LRRC28: variants seen among roughly 807,000 people sequenced by gnomAD.
LRRC28 encodes the protein leucine-rich repeat-containing protein 28.
In LRRC28, 39 loss-of-function variants were observed where a neutral mutation model predicts 45.7. The ratio of observed to expected loss-of-function variants is 0.85; its 90% CI spans 0.66 to 1.12. The LOEUF (loss-of-function observed/expected upper bound fraction) is 1.12, where lower values mean the gene tolerates loss of function less well. Ranked by LOEUF, LRRC28 falls within the 50% of genes most tolerant of loss-of-function variation. The pLI is 0.00. For synonymous variants in LRRC28, 206 were observed against 178.8 expected (o/e 1.15, Z -1.22); for missense variants, 435 against 438.5 (o/e 0.99, Z 0.07).
chr15:99,344,065 T>A (rs1460330885), intron 6 of LRRC28, among the ~76,000 whole-genome samples: 1 of 152,222 alleles, frequency 6.6e-6, no homozygotes, highest in East Asian at 1.9e-4. Flanking sequence ...TGCCTGGTTC[T>A]CTTCATCATC....
chr15:99,259,374 G>C (rs534840193), intron 2 of LRRC28: 2 of 1,555,050 alleles, frequency 1.3e-6, no homozygotes, highest in Admixed American at 3.3e-5. Flanking sequence ...GATGGGAAGA[G>C]GTTCCAGAAT....
At chr15:99,340,741 G>A (rs1333918979) in intron 6 of LRRC28, among the ~76,000 whole-genome samples, 2 of 152,190 alleles carry the variant, frequency 1.3e-5, no homozygotes, top group East Asian at 1.9e-4. Context: ...TAGAAGGTAT[G>A]AAAGGTGTGA....
chr15:99,377,359 T>A (rs186721594), intron 9 of LRRC28, among the ~76,000 whole-genome samples: 206 of 152,352 alleles, frequency 1.4e-3, no homozygotes, highest in African/African-American at 4.0e-3. Context: ...GAGAAGTGTC[T>A]GTTCATATCC....
intron 9 of LRRC28, among the ~76,000 whole-genome samples, chr15:99,370,330 C>T (rs541005081): frequency 3.9e-5 from 6 of 152,288 alleles, no homozygotes; most frequent in African/African-American, 1.2e-4. Flanking sequence ...TAAATATTCT[C>T]TAACATTATG....
Position 99,387,721 on chromosome 15 carries a change from A to G in LRRC28, c.*1619A>G, listed in dbSNP as rs928333252. 1 of 152,188 alleles carries G rather than the reference A, an allele frequency of 6.6e-6. No individual in the cohort carries two copies. The highest frequency in any genetic ancestry group is 2.4e-5 in the African/African-American group (1 of 41,452). 9.4% of individuals were successfully genotyped at this position (152,188 alleles called of 1,614,324 possible). ...TGTTTTTTAATGATGTAAGTTTTCT[A>G]AAAGGCAGGGCTGAATGGAGAACCA... is the stretch of plus-strand genomic sequence containing the variant. On this transcript the variant is annotated 3_prime_UTR_variant, in exon 10 of 10. Transcript: ENST00000301981.
intron 7 of LRRC28, among the ~76,000 whole-genome samples, chr15:99,353,405 A>G (rs1956948850): frequency 6.6e-6 from 1 of 152,202 alleles, no homozygotes; most frequent in Admixed American, 6.5e-5. Flanking sequence ...GGGCAGTCCT[A>G]GGAGTAGTGG....
intron 9 of LRRC28, among the ~76,000 whole-genome samples, chr15:99,371,218 T>A: frequency 6.6e-6 from 1 of 152,224 alleles, no homozygotes; most frequent in Non-Finnish European, 1.5e-5. Flanking sequence ...TCCAGTTGGT[T>A]AGCAAACACA....
At chr15:99,378,185 T>G (rs922861808) in intron 9 of LRRC28, among the ~76,000 whole-genome samples, 2 of 152,252 alleles carry the variant, frequency 1.3e-5, no homozygotes, top group Non-Finnish European at 2.9e-5. Flanking sequence ...GCATGGAATA[T>G]TCTTCCATTT....
intron 5 of LRRC28, among the ~76,000 whole-genome samples, chr15:99,311,573 A>G (rs1955411465): frequency 1.3e-5 from 2 of 152,166 alleles, no homozygotes; most frequent in African/African-American, 2.4e-5. Flanking sequence ...CTTGTTTTAT[A>G]TCTTAACATG....
At chr15:99,359,074 A>T (rs1036420361) in intron 7 of LRRC28, among the ~76,000 whole-genome samples, 3 of 138,542 alleles carry the variant, frequency 2.2e-5, no homozygotes, top group African/African-American at 5.7e-5. Flanking sequence ...GCTCTGTCTT[A>T]AAAAAAAAAA....
intron 5 of LRRC28, among the ~76,000 whole-genome samples, chr15:99,296,722 A>G (rs2082273568): frequency 6.6e-6 from 1 of 152,232 alleles, no homozygotes; most frequent in African/African-American, 2.4e-5. Context: ...GCTGCAAAGT[A>G]TGCCATGCTA....
At chr15:99,293,628 A>AAAAAAAAAAAAC (rs1567635396) in intron 5 of LRRC28, among the ~76,000 whole-genome samples, 8 of 142,256 alleles carry the variant, frequency 5.6e-5, no homozygotes, top group African/African-American at 5.3e-5. Flanking sequence ...AAAAAAAAAA[A>AAAAAAAAAAAAC]AAAAACCTAA....
chr15:99,260,788 TG>T (rs1410601823), intron 2 of LRRC28, among the ~76,000 whole-genome samples: 1 of 152,238 alleles, frequency 6.6e-6, no homozygotes, highest in Non-Finnish European at 1.5e-5. Context: ...TGCCCAAAAC[TG>T]GGGAAAACGT....
chr15:99,358,408 C>G (rs1277539469), intron 7 of LRRC28, among the ~76,000 whole-genome samples: 1 of 152,090 alleles, frequency 6.6e-6, no homozygotes, highest in Admixed American at 6.5e-5. Flanking sequence ...ATACAAATCT[C>G]TGGAAGGCTT....
chr15:99,380,900 C>T lies in LRRC28; in HGVS notation c.1032-5130C>T, dbSNP rs554104384. The stretch of plus-strand genomic sequence containing the variant: ...GGCTTGTAGAGTTTCTGCTGAGATC[C>T]GCTGTTCGTCTGATGGGCTTTCCTT... On this transcript the variant is annotated intron_variant, in intron 9 of 9. Transcript: ENST00000301981. Among the ~76,000 whole-genome samples, 103 of 152,164 alleles carry T rather than the reference C, an allele frequency of 6.8e-4. 1 individual carries two copies. The highest frequency in any genetic ancestry group is 2.2e-4 in the Non-Finnish European group (15 of 67,964).
intron 5 of LRRC28, among the ~76,000 whole-genome samples, chr15:99,322,858 A>G (rs753937546): frequency 5.3e-5 from 8 of 152,226 alleles, no homozygotes; most frequent in Non-Finnish European, 8.8e-5. Flanking sequence ...CAAGAGCCAA[A>G]TAAACAGCTA....
rs1248036938 is a variant in LRRC28 at position 99,387,153 on chromosome 15, C to CCG, written c.*1051_*1052insCG. On this transcript the variant is annotated 3_prime_UTR_variant, in exon 10 of 10. Transcript: ENST00000301981. Reference sequence around the variant, plus strand: ...TCGGCTCACTGCAAGCTCCGCCTCCCGGGTTCACGCCATTCTCCTGCCTCA... The same window carrying CCG: ...TCGGCTCACTGCAAGCTCCGCCTCCCCGGGGTTCACGCCATTCTCCTGCCTCA... 6.7e-6 allele frequency: 1 copy of CCG among 149,760 alleles called. No homozygotes were observed. Among genetic ancestry groups the CCG allele is most frequent in the Non-Finnish European group, 1.5e-5 (1 of 67,292 alleles). 9.3% of individuals were successfully genotyped at this position (149,760 alleles called of 1,614,324 possible). A position where few individuals can be genotyped will look rare whatever the true frequency, so the allele number is the denominator to read the frequency against.
chr15:99,311,797 G>T (rs143629636), intron 5 of LRRC28, among the ~76,000 whole-genome samples: 1 of 152,170 alleles, frequency 6.6e-6, no homozygotes. Context: ...TCTAGAATAT[G>T]ATCTATCGGA....
At chr15:99,258,338 A>T in intron 2 of LRRC28, 1 of 1,424,002 alleles carries the variant, frequency 7.0e-7, no homozygotes, top group Non-Finnish European at 9.9e-7. Context: ...AAGAGGAAAC[A>T]CTCTAGGACG....
Sources: allele counts gnomAD v4.1 joint callset (sites outside exome capture counted in the v4.1 genomes callset), GRCh38; gene constraint gnomAD v4.1.1; transcripts MANE v1.5; gene names NCBI Gene and HGNC (gene_info 2026-07-23, HGNC 2026-07-21).